Variants in EBF3 observed in about 807,000 individuals in gnomAD.
EBF3 encodes the protein transcription factor COE3.
Under a neutral mutation model 77.1 loss-of-function variants are expected in EBF3, and 18 were observed. That is an observed-to-expected ratio of 0.23 (90% CI 0.16 to 0.35). EBF3 has a LOEUF of 0.35. EBF3 is among the 10% of genes least tolerant of loss of function. The pLI, the probability that EBF3 is intolerant of heterozygous loss-of-function variation, is 1.00. For missense variants in EBF3, 558 were observed against 860.0 expected (o/e 0.65, Z 4.39); for synonymous variants, 350 against 343.5 (o/e 1.02, Z -0.21).
chr10:129,848,130 T>C lies in EBF3; in HGVS notation c.1128+262A>G, dbSNP rs769320486. ...AAAATATTTGTTATCAGAAAAGCTG[T>C]TCTTTGCTTCCCTTAAAAAGATGGT... On this transcript the variant is annotated intron_variant, in intron 11 of 16. Transcript: ENST00000440978. This position sits in a 1 kb window ranked among gnomAD's most constrained non-coding sequence, Gnocchi z 4.4. Among the ~76,000 whole-genome samples the C allele has an allele frequency of 3.9e-5, 6 of 152,240 alleles. No homozygotes were observed. Among genetic ancestry groups the C allele is most frequent in the Non-Finnish European group, 8.8e-5 (6 of 68,036 alleles).
chr10:129,854,347 G>C (rs919023432), intron 10 of EBF3, among the ~76,000 whole-genome samples: 1 of 152,142 alleles, frequency 6.6e-6, no homozygotes, highest in African/African-American at 2.4e-5. Flanking sequence ...ATGATGATGA[G>C]AGGTAGCTGG....
Position 129,840,569 on chromosome 10 carries a change from C to T in EBF3, c.1562-127G>A, listed in dbSNP as rs1262108319. On this transcript the variant is annotated intron_variant, in intron 14 of 16. Coordinates refer to ENST00000440978, the MANE Select transcript of EBF3 (RefSeq NM_001375380.1). ...AACAAAACATGACATGCGTCTGGCTCGGCCACGCTCTGGATAACAGGCAAG... is the reference window on the plus strand; with the variant it reads ...AACAAAACATGACATGCGTCTGGCTTGGCCACGCTCTGGATAACAGGCAAG... The T allele has an allele frequency of 1.7e-5, 19 of 1,110,004 alleles. 1 individual carries two copies. Among genetic ancestry groups the T allele is most frequent in the East Asian group, 7.8e-5 (3 of 38,488 alleles). 68.8% of individuals were successfully genotyped at this position (1,110,004 alleles called of 1,614,324 possible).
rs1044213299 is a variant in EBF3 at position 129,842,538 on chromosome 10, CG to C, written c.1195-246del. Among the ~76,000 whole-genome samples the C allele has an allele frequency of 1.1e-4, 16 of 152,092 alleles. No individual in the cohort carries two copies. The highest frequency in any genetic ancestry group is 3.9e-4 in the African/African-American group (16 of 41,416). On this transcript the variant is annotated intron_variant, in intron 12 of 16. Coordinates refer to ENST00000440978, the MANE Select transcript of EBF3 (RefSeq NM_001375380.1). This position sits in a 1 kb window ranked among gnomAD's most constrained non-coding sequence, Gnocchi z 4.4. ...CAGCATTTTGGGAGGTCAAGGCAGG[CG>C]GATCATCTGAGGTCAGGAGTTCAAG...
At chr10:129,857,339 G>A (rs961018034) in intron 10 of EBF3, among the ~76,000 whole-genome samples, 3 of 152,082 alleles carry the variant, frequency 2.0e-5, no homozygotes, top group Non-Finnish European at 4.4e-5. Context: ...GAAGGCCATC[G>A]TGTCCTCATC....
At chr10:129,910,309 A>G (rs980916334) in intron 6 of EBF3, among the ~76,000 whole-genome samples, 1 of 152,222 alleles carries the variant, frequency 6.6e-6, no homozygotes, top group African/African-American at 2.4e-5. Context: ...AGTTAACCGC[A>G]TCTGTTGTCT....
In EBF3 at chr10:129,841,041, A is replaced by ACCC. The variant is rs1554892366; in HGVS notation, c.1373-10_1373-9insGGG. On this transcript the variant is annotated splice_polypyrimidine_tract_variant and intron_variant, in intron 13 of 16. Transcript: ENST00000440978. This position sits in a 1 kb window ranked among gnomAD's most constrained non-coding sequence, Gnocchi z 4.6. ...ATTGCGACTGTAGCCGACTGTTGAAATCCCCCCCCCGGCCAAAAATAACAT... is the reference window on the plus strand; with the variant it reads ...ATTGCGACTGTAGCCGACTGTTGAAACCCTCCCCCCCCCGGCCAAAAATAACAT... 201 of 1,076,568 alleles carry ACCC rather than the reference A, an allele frequency of 1.9e-4. No individual in the cohort carries two copies. Among genetic ancestry groups the ACCC allele is most frequent in the African/African-American group, 1.3e-3 (74 of 58,450 alleles). 66.7% of individuals were successfully genotyped at this position (1,076,568 alleles called of 1,614,324 possible).
chr10:129,903,531 T>C (rs915362139), intron 6 of EBF3, among the ~76,000 whole-genome samples: 5 of 152,374 alleles, frequency 3.3e-5, no homozygotes, highest in African/African-American at 1.2e-4. Context: ...TTAAACAATG[T>C]CAAATTGTCA....
intron 6 of EBF3, among the ~76,000 whole-genome samples, chr10:129,910,154 G>C (rs940550919): frequency 1.3e-5 from 2 of 152,196 alleles, no homozygotes; most frequent in Non-Finnish European, 2.9e-5. Flanking sequence ...GGCCATGTGG[G>C]GCAGACACCC....
chr10:129,840,100 A>G, intron 15 of EBF3, 145 bp downstream of exon 15: 1 of 1,035,408 alleles, frequency 9.7e-7, no homozygotes, highest in African/African-American at 1.6e-5. Context: ...AACACCAGGC[A>G]GAGGTGGCAC....
At chr10:129,899,951 T>G (rs780968841) in intron 6 of EBF3, among the ~76,000 whole-genome samples, 1 of 152,278 alleles carries the variant, frequency 6.6e-6, no homozygotes, top group Non-Finnish European at 1.5e-5. Context: ...GAAATTCAGA[T>G]GTGTTCCCTG....
In EBF3 at chr10:129,841,042, T is replaced by TCCCCC. The variant is rs68001511; in HGVS notation, c.1373-15_1373-11dup. On this transcript the variant is annotated splice_polypyrimidine_tract_variant and intron_variant, in intron 13 of 16. Transcript: ENST00000440978. This position sits in a 1 kb window ranked among gnomAD's most constrained non-coding sequence, Gnocchi z 4.6. ...TTGCGACTGTAGCCGACTGTTGAAA[T>TCCCCC]CCCCCCCCCGGCCAAAAATAACATT... The TCCCCC allele has an allele frequency of 0.01, 15,052 of 1,503,684 alleles. 77 individuals carry two copies. The highest frequency in any genetic ancestry group is 0.012 in the Non-Finnish European group (13,183 of 1,127,110). 93.1% of individuals were successfully genotyped at this position (1,503,684 alleles called of 1,614,324 possible).
At chr10:129,837,997 C>G (rs1235081842) in intron 16 of EBF3, 37 bp from the exon 17 acceptor site, 1 of 1,613,420 alleles carries the variant, frequency 6.2e-7, no homozygotes. Flanking sequence ...ACTGCAGGCT[C>G]CCCCACGCGC....
At chr10:129,860,537 G>A (rs2134037107) in intron 10 of EBF3, among the ~76,000 whole-genome samples, 1 of 152,308 alleles carries the variant, frequency 6.6e-6, no homozygotes, top group African/African-American at 2.4e-5. Flanking sequence ...GGGTTAGCGT[G>A]GCCCCGATGA....
At chr10:129,916,512 G>A (rs1009868551) in intron 6 of EBF3, among the ~76,000 whole-genome samples, 10 of 152,216 alleles carry the variant, frequency 6.6e-5, no homozygotes, top group Non-Finnish European at 1.3e-4. Flanking sequence ...TGTTGTTTCC[G>A]AAATTAGGCA....
chr10:129,842,472 T>A lies in EBF3; in HGVS notation c.1195-179A>T, dbSNP rs550374739. 3.9e-5 allele frequency among the ~76,000 whole-genome samples: 6 copies of A among 152,234 alleles called. No homozygotes were observed. The highest frequency in any genetic ancestry group is 1.4e-4 in the African/African-American group (6 of 41,550). On this transcript the variant is annotated intron_variant, in intron 12 of 16. Transcript: ENST00000440978. The surrounding 1 kb of genome is among the most constrained non-coding windows in gnomAD (Gnocchi z 4.4). ...TCATTTACTGACGCTTTTGAAAGTG[T>A]GCAATATCTGGCTGGGCACGGTGGC...
At chr10:129,903,099 C>T (rs1273069829) in intron 6 of EBF3, among the ~76,000 whole-genome samples, 3 of 152,226 alleles carry the variant, frequency 2.0e-5, no homozygotes, top group Admixed American at 6.5e-5. Flanking sequence ...GAAAGTCATA[C>T]ACACGTTTCA....
At chr10:129,858,497 T>G (rs769186299) in intron 10 of EBF3, among the ~76,000 whole-genome samples, 38 of 152,206 alleles carry the variant, frequency 2.5e-4, no homozygotes, top group Non-Finnish European at 5.1e-4. Context: ...AGTGTGAGCA[T>G]GTTCCTTAGG....
intron 8 of EBF3, among the ~76,000 whole-genome samples, chr10:129,872,613 T>G (rs1449587928): frequency 6.6e-6 from 1 of 152,252 alleles, no homozygotes; most frequent in African/African-American, 2.4e-5. Flanking sequence ...GATTCGATCA[T>G]GCTGTTTTGT....
At chr10:129,915,220 G>T (rs1358598105) in intron 6 of EBF3, among the ~76,000 whole-genome samples, 1 of 152,120 alleles carries the variant, frequency 6.6e-6, no homozygotes, top group African/African-American at 2.4e-5. Flanking sequence ...TGGGAACTCA[G>T]CAAAAGGCTC....
Sources: gnomAD v4.1 joint callset for allele counts (sites outside exome capture counted in the v4.1 genomes callset) on GRCh38, gnomAD v4.1.1 for gene constraint, Gnocchi (gnomAD v3.1) non-coding constraint, MANE v1.5 for transcripts, NCBI Gene and HGNC (gene_info 2026-07-23, HGNC 2026-07-21) for gene names.